The following GALNT17 variants were observed in gnomAD, a reference collection of about 807,000 sequenced individuals.
GALNT17 encodes the protein polypeptide N-acetylgalactosaminyltransferase 17, also known as UDP-GalNAc:polypeptide N-acetylgalactosaminyltransferase-like 3.
A neutral mutation model predicts 63.7 loss-of-function variants in GALNT17; 29 were observed. That is an observed-to-expected ratio of 0.46 (90% CI 0.34 to 0.62). The LOEUF is 0.62. Among genes scored for constraint, GALNT17 ranks in the 20% least tolerant of loss-of-function variants. The probability of loss-of-function intolerance (pLI) is 0.01; values close to 1 mark genes in which losing one functional copy is unlikely to be tolerated. For missense variants in GALNT17, 603 were observed against 799.6 expected (o/e 0.75, Z 2.97); for synonymous variants, 305 against 318.3 (o/e 0.96, Z 0.45).
chr7:71,568,667 G>C (rs1562694371), intron 5 of GALNT17, among the ~76,000 whole-genome samples: 1 of 152,226 alleles, frequency 6.6e-6, no homozygotes, highest in East Asian at 1.9e-4. Context: ...CCATAGCAAA[G>C]GGCATGATTT....
At chr7:71,197,287 C>T (rs1343945663) in intron 1 of GALNT17, among the ~76,000 whole-genome samples, 1 of 149,890 alleles carries the variant, frequency 6.7e-6, no homozygotes, top group Non-Finnish European at 1.5e-5. Flanking sequence ...GCAAACTCCG[C>T]CTCCTGGTTT....
intron 1 of GALNT17, among the ~76,000 whole-genome samples, chr7:71,242,413 C>T (rs969937490): frequency 3.0e-4 from 46 of 151,508 alleles, no homozygotes; most frequent in African/African-American, 1.0e-3. Context: ...GGACTACAGG[C>T]GCCTACCACC....
At position 71,349,075 on chromosome 7, in the gene GALNT17, C is replaced by T. The variant is rs142826512; in HGVS notation, c.422+13342C>T. Among the ~76,000 whole-genome samples the T allele has an allele frequency of 2.8e-4, 43 of 152,326 alleles. No individual in the cohort carries two copies. In the South Asian group the frequency reaches 2.9e-3, roughly 10 times the overall value. On this transcript the variant is annotated intron_variant, in intron 2 of 10. Transcript: ENST00000333538. ...ATAGTTACGTGAAATACTTGCAGTA[C>T]GGGAAACATTTGTTTCTCAGCCCTG...
chr7:71,378,668 T>G (rs1249841022), intron 2 of GALNT17, among the ~76,000 whole-genome samples: 1 of 152,076 alleles, frequency 6.6e-6, no homozygotes, highest in Non-Finnish European at 1.5e-5. Flanking sequence ...CTGCCAAGCA[T>G]TCTGCCAGGC....
intron 6 of GALNT17, among the ~76,000 whole-genome samples, chr7:71,624,744 G>A (rs1207937136): frequency 6.6e-6 from 1 of 152,304 alleles, no homozygotes; most frequent in Admixed American, 6.5e-5. Flanking sequence ...TAAACCCATT[G>A]CAGGTTAACA....
chr7:71,151,481 C>T (rs1473853518), intron 1 of GALNT17, among the ~76,000 whole-genome samples: 2 of 151,824 alleles, frequency 1.3e-5, no homozygotes, highest in African/African-American at 4.8e-5. Context: ...ATTAGTCAGG[C>T]GTGGTGGCAG....
intron 2 of GALNT17, among the ~76,000 whole-genome samples, chr7:71,358,796 G>C (rs1224127940): frequency 6.7e-6 from 1 of 148,624 alleles, no homozygotes; most frequent in Non-Finnish European, 1.5e-5. Flanking sequence ...TTTTTGAGAC[G>C]TGGTTTCGCT....
In GALNT17 at chr7:71,653,562, C is replaced by T. The variant is rs1016156535; in HGVS notation, c.1081-11849C>T. Among the ~76,000 whole-genome samples, 5 of 150,724 alleles carry T rather than the reference C, an allele frequency of 3.3e-5. No individual in the cohort carries two copies. In the East Asian group the frequency reaches 9.7e-4, roughly 29 times the overall value. On this transcript the variant is annotated intron_variant, in intron 6 of 10. Transcript: ENST00000333538. ...CTGGGACTATAGGCATGTGCCACCACACCTGGCTAATTTTTTGTATTTTTA... is the reference window on the plus strand; with the variant it reads ...CTGGGACTATAGGCATGTGCCACCATACCTGGCTAATTTTTTGTATTTTTA...
chr7:71,274,913 T>C (rs1790656432), intron 1 of GALNT17, among the ~76,000 whole-genome samples: 1 of 152,222 alleles, frequency 6.6e-6, no homozygotes, highest in Non-Finnish European at 1.5e-5. Context: ...AACATTGTTA[T>C]ACTACTGATG....
chr7:71,341,659 A>G (rs1487608885), intron 2 of GALNT17, among the ~76,000 whole-genome samples: 2 of 152,202 alleles, frequency 1.3e-5, no homozygotes, highest in Non-Finnish European at 2.9e-5. Context: ...ATAATGTTCC[A>G]TTTAGAACTC....
chr7:71,578,750 T>C (rs1485457927), intron 6 of GALNT17, among the ~76,000 whole-genome samples: 1 of 152,146 alleles, frequency 6.6e-6, no homozygotes, highest in Non-Finnish European at 1.5e-5. Context: ...TGTTCTTAGT[T>C]TTGCTTCCCT....
In GALNT17 at chr7:71,477,582, G is replaced by T. The variant is rs778060654; in HGVS notation, c.962+56477G>T. The stretch of plus-strand genomic sequence containing the variant: ...CCGGGCATAGTGACTGGCACCTACA[G>T]TCTCAGCTACTCAAGAGGATTGCTG... On this transcript the variant is annotated intron_variant, in intron 5 of 10. Transcript: ENST00000333538. Among the ~76,000 whole-genome samples the T allele has an allele frequency of 2.0e-5, 3 of 152,238 alleles. No homozygotes were observed. In the South Asian group the frequency reaches 6.2e-4, roughly 32 times the overall value.
rs1229805158 is a variant in GALNT17 at position 71,392,747 on chromosome 7, A to G, written c.589+4346A>G. 2.6e-5 allele frequency among the ~76,000 whole-genome samples: 4 copies of G among 152,072 alleles called. No homozygotes were observed. The East Asian group carries it at 7.7e-4, about 29-fold the overall frequency. ...TCATCCTCCTCCTCCTCTCCCAAATACCCAGGGGACCGGGAGTTGACGATA... is the reference window on the plus strand; with the variant it reads ...TCATCCTCCTCCTCCTCTCCCAAATGCCCAGGGGACCGGGAGTTGACGATA... On this transcript the variant is annotated intron_variant, in intron 3 of 10. Coordinates refer to ENST00000333538, the MANE Select transcript of GALNT17 (RefSeq NM_022479.3).
intron 5 of GALNT17, among the ~76,000 whole-genome samples, chr7:71,565,845 CTTTTTT>C (rs71738437): frequency 7.8e-6 from 1 of 127,840 alleles, no homozygotes; most frequent in Non-Finnish European, 1.6e-5. Context: ...CTTCTCTTTT[CTTTTTT>C]TTTTTTTTTT....
chr7:71,265,107 T>C (rs1308730096), intron 1 of GALNT17, among the ~76,000 whole-genome samples: 4 of 56,420 alleles, frequency 7.1e-5, no homozygotes, highest in African/African-American at 1.0e-4. Context: ...ATTATATATA[T>C]ATATATATAT....
At chr7:71,443,881 C>A (rs907828042) in intron 5 of GALNT17, among the ~76,000 whole-genome samples, 1 of 152,132 alleles carries the variant, frequency 6.6e-6, no homozygotes, top group Non-Finnish European at 1.5e-5. Context: ...CCTGCCACCA[C>A]CCCTCGCTAA....
At chr7:71,399,404 G>A (rs1409553418) in intron 3 of GALNT17, among the ~76,000 whole-genome samples, 2 of 152,076 alleles carry the variant, frequency 1.3e-5, no homozygotes, top group African/African-American at 2.4e-5. Flanking sequence ...GGTATATATC[G>A]AGTTGATTTC....
chr7:71,547,274 C>T (rs563357846), intron 5 of GALNT17, among the ~76,000 whole-genome samples: 1 of 152,194 alleles, frequency 6.6e-6, no homozygotes, highest in South Asian at 2.1e-4. Context: ...AAGCAGTTCT[C>T]CTGCCTCAGC....
intron 1 of GALNT17, among the ~76,000 whole-genome samples, chr7:71,246,111 C>CGTT (rs1790089727): frequency 8.2e-6 from 1 of 122,600 alleles, no homozygotes; most frequent in South Asian, 2.6e-4. Flanking sequence ...TAGCTTTTTT[C>CGTT]GTTGTTTTTT....
Sources: gnomAD v4.1 joint callset for allele counts (sites outside exome capture counted in the v4.1 genomes callset) on GRCh38, gnomAD v4.1.1 for gene constraint, MANE v1.5 for transcripts, NCBI Gene and HGNC (gene_info 2026-07-23, HGNC 2026-07-21) for gene names.